Variants in SEMA3C observed in about 807,000 individuals in gnomAD.
SEMA3C encodes the protein semaphorin-3C.
SEMA3C carries 47 observed loss-of-function variants against 89.4 expected under a neutral mutation model. That is an observed-to-expected ratio of 0.53 (90% CI 0.42 to 0.67). SEMA3C has a LOEUF of 0.67. Ranked by LOEUF, SEMA3C falls within the 30% of genes least tolerant of loss-of-function variation. SEMA3C has a pLI of 0.00. For missense variants in SEMA3C, 839 were observed against 929.1 expected (o/e 0.90, Z 1.26); for synonymous variants, 310 against 320.2 (o/e 0.97, Z 0.34).
intron 2 of SEMA3C, among the ~76,000 whole-genome samples, chr7:80,873,393 T>C (rs577468275): frequency 3.9e-4 from 60 of 152,218 alleles, no homozygotes; most frequent in Middle Eastern, 6.8e-3. Flanking sequence ...TTTATGACAA[T>C]GATGATGATG....
In SEMA3C at chr7:80,902,287, C is replaced by T. The variant is rs534533994; in HGVS notation, c.103+14392G>A. ...TTTTAATAAGAACAAGTAAAGATGA[C>T]ATATCCTTTCTAGCCAACACTGACA... On this transcript the variant is annotated intron_variant, in intron 2 of 17. Coordinates refer to ENST00000265361, the MANE Select transcript of SEMA3C (RefSeq NM_006379.5). Among the ~76,000 whole-genome samples, 65 of 152,270 alleles carry T rather than the reference C, an allele frequency of 4.3e-4. 1 individual carries two copies. In the South Asian group the frequency reaches 0.013, roughly 31 times the overall value.
In SEMA3C at chr7:80,755,968, G is replaced by T. The variant is rs1788056511; in HGVS notation, c.1643+2363C>A. On this transcript the variant is annotated intron_variant, in intron 15 of 17. Transcript: ENST00000265361. ...GCCCAAATTAACATGGAGGAACACA[G>T]TCTTGGAACGCATCTACGAGACTCC... Among the ~76,000 whole-genome samples the T allele has an allele frequency of 2.0e-5, 3 of 152,212 alleles. No homozygotes were observed. The South Asian group carries it at 6.2e-4, about 32-fold the overall frequency.
chr7:80,745,180 A>T lies in SEMA3C; in HGVS notation c.1970T>A (p.Ile657Asn). The T allele has an allele frequency of 6.2e-7, 1 of 1,614,022 alleles. No homozygotes were observed. The stretch of plus-strand genomic sequence containing the variant: ...TTCTGAATCTAAAACTTTGAAGTTG[A>T]TCTTGGCTATGGTCTGCTTGAAACT... Reference protein sequence around the residue: ...ENSFKQTIAKINFKVLDSEMV... With the variant: ...ENSFKQTIAKNNFKVLDSEMV... Residue 657 changes from isoleucine to asparagine, a missense_variant, in exon 18 of 18, where the codon ATC (isoleucine) becomes AAC (asparagine). Coordinates refer to ENST00000265361, the MANE Select transcript of SEMA3C (RefSeq NM_006379.5).
At chr7:80,845,805 C>T (rs537069448) in intron 2 of SEMA3C, among the ~76,000 whole-genome samples, 1 of 152,272 alleles carries the variant, frequency 6.6e-6, no homozygotes, top group South Asian at 2.1e-4. Flanking sequence ...CCCTACCCTA[C>T]AAGGCATGTG....
At chr7:80,873,757 T>A (rs1273774364) in intron 2 of SEMA3C, among the ~76,000 whole-genome samples, 1 of 152,214 alleles carries the variant, frequency 6.6e-6, no homozygotes, top group African/African-American at 2.4e-5. Flanking sequence ...AGAAAATCTT[T>A]GAATTGTGGT....
Position 80,793,380 on chromosome 7 carries a change from A to G in SEMA3C, c.1132-3852T>C, listed in dbSNP as rs755522067. The G allele has an allele frequency of 3.5e-4, 117 of 337,034 alleles. 2 individuals are homozygous for G. Among genetic ancestry groups the G allele is most frequent in the South Asian group, 1.2e-3 (48 of 41,636 alleles). The allele number at this position is 337,034 out of a possible 1,614,324, so 20.9% of individuals were successfully genotyped here. A position where few individuals can be genotyped will look rare whatever the true frequency, so the allele number is the denominator to read the frequency against. ...TTAGGTCAGTTTTCAGAATATACTT[A>G]TATGTTAATATACGTATCCATTACT... On this transcript the variant is annotated intron_variant, in intron 11 of 17. Transcript: ENST00000265361.
intron 2 of SEMA3C, among the ~76,000 whole-genome samples, chr7:80,875,833 C>A (rs1791187958): frequency 6.6e-6 from 1 of 151,372 alleles, no homozygotes; most frequent in South Asian, 2.1e-4. Context: ...GTGCTTCTTA[C>A]ACGTGAAAAG....
intron 2 of SEMA3C, among the ~76,000 whole-genome samples, chr7:80,892,821 G>A (rs1331902535): frequency 6.6e-6 from 1 of 152,054 alleles, no homozygotes; most frequent in Non-Finnish European, 1.5e-5. Flanking sequence ...GGTTGTATTT[G>A]ATGTTTTTTT....
chr7:80,813,648 G>A (rs1030775672), intron 5 of SEMA3C, among the ~76,000 whole-genome samples: 10 of 152,022 alleles, frequency 6.6e-5, no homozygotes, highest in East Asian at 5.8e-4. Context: ...ATCTTATCTC[G>A]TCTTTTTAGG....
Position 80,861,687 on chromosome 7 carries a change from C to T in SEMA3C, c.104-32942G>A, listed in dbSNP as rs547090964. On this transcript the variant is annotated intron_variant, in intron 2 of 17. Transcript: ENST00000265361. ...TTTGTTATTTCAAAGAATATTTTTG[C>T]GTAAGTATTCTTCACCAACCATTGT... Among the ~76,000 whole-genome samples, 299 of 152,182 alleles carry T rather than the reference C, an allele frequency of 2.0e-3. 2 individuals carry two copies. The highest frequency in any genetic ancestry group is 6.0e-3 in the African/African-American group (249 of 41,532).
chr7:80,759,530 C>A (rs1442039242), intron 14 of SEMA3C, among the ~76,000 whole-genome samples: 1 of 152,116 alleles, frequency 6.6e-6, no homozygotes, highest in African/African-American at 2.4e-5. Flanking sequence ...ACAGCACTTA[C>A]CATATGGAGT....
At chr7:80,795,657 T>C (rs150058373) in intron 11 of SEMA3C, among the ~76,000 whole-genome samples, 1 of 152,222 alleles carries the variant, frequency 6.6e-6, no homozygotes, top group Non-Finnish European at 1.5e-5. Flanking sequence ...TTCCTACATT[T>C]TATGTAGAAC....
At chr7:80,809,927 G>A (rs1789428343) in intron 6 of SEMA3C, among the ~76,000 whole-genome samples, 1 of 151,944 alleles carries the variant, frequency 6.6e-6, no homozygotes, top group South Asian at 2.1e-4. Flanking sequence ...GAAACAGAGG[G>A]TAGAAAGGTT....
rs1787772347 is a variant in SEMA3C at position 80,745,190 on chromosome 7, T to C, written c.1960A>G (p.Ile654Val). ...IATENSFKQT[I>V]AKINFKVLDS... ...AAAACTTTGAAGTTGATCTTGGCTA[T>C]GGTCTGCTTGAAACTATTTTCTGTA... Residue 654 changes from isoleucine (I) to valine (V), a missense_variant, in exon 18 of 18, where the codon ATA (isoleucine) becomes GTA (valine). By Grantham distance (29) the Ile-to-Val change is conservative (BLOSUM62 3). Transcript: ENST00000265361. 2.5e-6 allele frequency: 4 copies of C among 1,614,056 alleles called. No homozygotes were observed. In the South Asian group the frequency reaches 3.3e-5, roughly 13 times the overall value.
At chr7:80,922,235 T>G (rs774686178), upstream of SEMA3C, 20 of 1,286,584 alleles carry the variant, frequency 1.6e-5, no homozygotes, top group Non-Finnish European at 2.0e-5. Flanking sequence ...TGTCTCAGGT[T>G]TTTCAATAAG....
chr7:80,750,469 T>TACACAC (rs1458342632), intron 16 of SEMA3C, among the ~76,000 whole-genome samples: 108 of 50,198 alleles, frequency 2.2e-3, no homozygotes, highest in Non-Finnish European at 3.3e-3. Context: ...TATATATATA[T>TACACAC]ATATACACAC....
chr7:80,766,186 T>G (rs1788298365), intron 12 of SEMA3C, among the ~76,000 whole-genome samples: 1 of 152,218 alleles, frequency 6.6e-6, no homozygotes, highest in African/African-American at 2.4e-5. Flanking sequence ...TTCTACTATT[T>G]ACACAATTTT....
At chr7:80,765,092 T>C in intron 13 of SEMA3C, 63 bp downstream of exon 13, 2 of 1,111,348 alleles carry the variant, frequency 1.8e-6, no homozygotes, top group East Asian at 2.5e-5. Flanking sequence ...CCCAAGTGGC[T>C]GTAAGATTAA....
intron 12 of SEMA3C, among the ~76,000 whole-genome samples, chr7:80,782,111 A>G (rs962545609): frequency 1.3e-5 from 2 of 152,230 alleles, no homozygotes; most frequent in African/African-American, 4.8e-5. Context: ...GTGATACATC[A>G]AAAATGAAGG....
Sources: allele counts gnomAD v4.1 joint callset (sites outside exome capture counted in the v4.1 genomes callset), GRCh38; gene constraint gnomAD v4.1.1; transcripts MANE v1.5; gene names NCBI Gene and HGNC (gene_info 2026-07-23, HGNC 2026-07-21).